SKAP2: variants seen among roughly 807,000 people sequenced by gnomAD.
SKAP2 encodes the protein src kinase-associated phosphoprotein 2.
Under a neutral mutation model 54.9 loss-of-function variants are expected in SKAP2, and 28 were observed. The ratio of observed to expected loss-of-function variants is 0.51; its 90% CI spans 0.38 to 0.70. The LOEUF is 0.70. SKAP2 is among the 30% of genes least tolerant of loss of function. The pLI is 0.00. For missense variants in SKAP2, 356 were observed against 424.1 expected, an observed-to-expected ratio of 0.84 and a Z score of 1.41; for synonymous variants, 137 against 134.3, an observed-to-expected ratio of 1.02 and a Z score of -0.14.
chr7:26,757,920 C>T (rs187523066), intron 4 of SKAP2, among the ~76,000 whole-genome samples: 20 of 152,228 alleles, frequency 1.3e-4, no homozygotes, highest in African/African-American at 4.6e-4. Flanking sequence ...TGCCACCACG[C>T]CTGGCTAATT....
At chr7:26,789,393 A>G (rs1387783448) in intron 4 of SKAP2, among the ~76,000 whole-genome samples, 1 of 152,218 alleles carries the variant, frequency 6.6e-6, no homozygotes, top group Non-Finnish European at 1.5e-5. Flanking sequence ...TATCATATTC[A>G]GGTGGCCTTC....
rs937281930 is a variant in SKAP2, at chr7:26,768,079, C to G, written c.308-28115G>C. On this transcript the variant is annotated intron_variant, in intron 4 of 12. Transcript: ENST00000345317. ...GGAGTGTTAAAGTCTCCCAGTGTCA[C>G]TGTGTGGGAGTCTAAGTCTCTTTGT... Among the ~76,000 whole-genome samples, 3 of 152,052 alleles carry G rather than the reference C, an allele frequency of 2.0e-5. No homozygotes were observed. The South Asian group carries it at 6.2e-4, about 32-fold the overall frequency.
downstream of SKAP2, among the ~76,000 whole-genome samples, chr7:26,666,167 GGT>G (rs1367723355): frequency 6.6e-6 from 1 of 151,944 alleles, no homozygotes; most frequent in African/African-American, 2.4e-5. Flanking sequence ...ATCTCTATAT[GGT>G]GTGTGTCTAT....
chr7:26,678,140 T>C (rs545491262), intron 11 of SKAP2, among the ~76,000 whole-genome samples: 1 of 152,284 alleles, frequency 6.6e-6, no homozygotes, highest in East Asian at 1.9e-4. Flanking sequence ...TATAACATCA[T>C]CTACTTCACA....
intron 4 of SKAP2, among the ~76,000 whole-genome samples, chr7:26,741,567 TAAATA>T (rs1562593922): frequency 0.041 from 4,154 of 100,136 alleles, 146 homozygotes; most frequent in African/African-American, 0.11. Context: ...AATAAATAAA[TAAATA>T]AATAAATTAA....
chr7:26,785,720 C>T (rs1783530609), intron 4 of SKAP2, among the ~76,000 whole-genome samples: 1 of 152,052 alleles, frequency 6.6e-6, no homozygotes, highest in African/African-American at 2.4e-5. Context: ...CCTAAGAAAT[C>T]CCCATTTCTT....
chr7:26,823,191 C>T (rs998287309), intron 4 of SKAP2, among the ~76,000 whole-genome samples: 6 of 151,760 alleles, frequency 4.0e-5, no homozygotes, highest in African/African-American at 7.3e-5. Context: ...TTTGGAAGGC[C>T]GAGGCAGGAG....
chr7:26,819,519 T>C (rs1391804507), intron 4 of SKAP2, among the ~76,000 whole-genome samples: 1 of 151,786 alleles, frequency 6.6e-6, no homozygotes, highest in Non-Finnish European at 1.5e-5. Context: ...TGTATACCTA[T>C]GTAACAAAGC....
intron 4 of SKAP2, among the ~76,000 whole-genome samples, chr7:26,814,143 A>G (rs1423491937): frequency 1.1e-5 from 1 of 94,454 alleles, no homozygotes; most frequent in Non-Finnish European, 2.5e-5. Context: ...TTTGTTTAAC[A>G]AAAGCACAAT....
At chr7:26,844,462 T>C (rs1047331758) in intron 3 of SKAP2, among the ~76,000 whole-genome samples, 6 of 151,880 alleles carry the variant, frequency 4.0e-5, no homozygotes, top group African/African-American at 1.2e-4. Flanking sequence ...AAACAGAGTG[T>C]ATATCCAAAC....
At chr7:26,764,321 C>G (rs1484982445) in intron 4 of SKAP2, among the ~76,000 whole-genome samples, 2 of 152,034 alleles carry the variant, frequency 1.3e-5, no homozygotes, top group Non-Finnish European at 2.9e-5. Flanking sequence ...TAGTCATTCT[C>G]TATAGAAGAA....
At chr7:26,694,106 T>C (rs1786845935) in intron 9 of SKAP2, among the ~76,000 whole-genome samples, 1 of 152,100 alleles carries the variant, frequency 6.6e-6, no homozygotes, top group Non-Finnish European at 1.5e-5. Flanking sequence ...TACATTCACA[T>C]ATTTTTTTAT....
intron 3 of SKAP2, among the ~76,000 whole-genome samples, chr7:26,847,450 T>C (rs3801813): frequency 0.21 from 32,180 of 151,650 alleles, 3,492 homozygotes; most frequent in Non-Finnish European, 0.24. Context: ...GCATTTTTCC[T>C]CCCCAGGGGC....
chr7:26,864,267 A>C, intron 1 of SKAP2, 96 bp downstream of exon 1: 1 of 1,440,782 alleles, frequency 6.9e-7, no homozygotes, highest in Non-Finnish European at 9.7e-7. Flanking sequence ...AAGCGCGGGG[A>C]GGGAGGATAA....
rs151321053 is a variant in SKAP2, at chr7:26,745,533, T to G, written c.308-5569A>C. Among the ~76,000 whole-genome samples the G allele has an allele frequency of 4.7e-4, 71 of 152,348 alleles. 1 individual carries two copies. In the East Asian group the frequency reaches 0.014, roughly 29 times the overall value. ...CTTCGTTTTATCTCTTCTAAACTCA[T>G]GTAGTAAACTACCAAAAATGCAGCC... On this transcript the variant is annotated intron_variant, in intron 4 of 12. Coordinates refer to ENST00000345317, the MANE Select transcript of SKAP2 (RefSeq NM_003930.5).
chr7:26,774,123 G>T (rs1203522553), intron 4 of SKAP2, among the ~76,000 whole-genome samples: 1 of 152,092 alleles, frequency 6.6e-6, no homozygotes, highest in Non-Finnish European at 1.5e-5. Context: ...GATCAGCCTG[G>T]CCAACATGGT....
At chr7:26,842,303 A>G (rs1277470740) in intron 4 of SKAP2, among the ~76,000 whole-genome samples, 1 of 151,618 alleles carries the variant, frequency 6.6e-6, no homozygotes, top group African/African-American at 2.4e-5. Flanking sequence ...AAATCAATAA[A>G]ATAACCTTTT....
chr7:26,679,044 TG>T (rs1786423181), intron 11 of SKAP2, among the ~76,000 whole-genome samples: 1 of 152,236 alleles, frequency 6.6e-6, no homozygotes, highest in Admixed American at 6.5e-5. Flanking sequence ...TTTGTTTTGC[TG>T]CTGCCAAACT....
intron 4 of SKAP2, among the ~76,000 whole-genome samples, chr7:26,757,610 T>G (rs1782823825): frequency 6.6e-6 from 1 of 152,224 alleles, no homozygotes; most frequent in Non-Finnish European, 1.5e-5. Context: ...GGTAGCGTGA[T>G]GCCTCCAGCT....
Sources: gnomAD v4.1 joint callset for allele counts (sites outside exome capture counted in the v4.1 genomes callset) on GRCh38, gnomAD v4.1.1 for gene constraint, MANE v1.5 for transcripts, NCBI Gene and HGNC (gene_info 2026-07-23, HGNC 2026-07-21) for gene names.